H1-4: variants seen among roughly 807,000 people sequenced by gnomAD.
The protein encoded by H1-4 is H1.4 linker histone, cluster member.
H1-4 carries 9 observed loss-of-function variants against 7.2 expected under a neutral mutation model. That is an observed-to-expected ratio of 1.25 (90% CI 0.75 to 2.18). H1-4 has a LOEUF of 2.18. H1-4 is among the 30% of genes most tolerant of loss of function. The probability of loss-of-function intolerance (pLI) is 0.00; values close to 1 mark genes in which losing one functional copy is unlikely to be tolerated. For synonymous variants in H1-4, 318 were observed against 126.6 expected (o/e 2.51, Z -10.15); for missense variants, 646 against 287.9 (o/e 2.24, Z -9.00).
chr6:26,156,823 G>A lies in H1-4; in HGVS notation c.433G>A (p.Ala145Thr), dbSNP rs367964574. 6 of 1,606,586 alleles carry A rather than the reference G, an allele frequency of 3.7e-6. No individual in the cohort carries two copies. Among genetic ancestry groups the A allele is most frequent in the East Asian group, 2.2e-5 (1 of 44,548 alleles). ...GAAGCCCAAGAAGGCGACGGGGGCG[G>A]CCACCCCCAAGAAGAGCGCCAAGAA... ...AKKPKKATGA[A>T]TPKKSAKKTP... The change falls in exon 1 of 1, where the codon GCC (alanine) becomes ACC (threonine). Residue 145 changes from alanine to threonine, a missense_variant. By Grantham distance (58) the Ala-to-Thr change is moderately conservative (BLOSUM62 0). Coordinates refer to ENST00000304218, the MANE Select transcript of H1-4 (RefSeq NM_005321.3).
At position 26,156,523 on chromosome 6, in the gene H1-4, A is replaced by T; in HGVS notation, c.133A>T (p.Thr45Ser). The part of the protein sequence containing the change: ...ASGPPVSELI[T>S]KAVAASKERS... ...TGGGCCCCCGGTGTCCGAGCTCATT[A>T]CTAAAGCTGTTGCCGCCTCCAAGGA... The change falls in exon 1 of 1, where the codon ACT (threonine) becomes TCT (serine). Residue 45 changes from threonine to serine, a missense_variant. Physicochemically the swap from Thr to Ser is moderately conservative, Grantham distance 58. Transcript: ENST00000304218. 6.2e-7 allele frequency: 1 copy of T among 1,614,050 alleles called. No individual in the cohort carries two copies.
rs1346279726 is a variant in H1-4 at position 26,157,060 on chromosome 6, T to G, written c.*10T>G. 6.3e-7 allele frequency: 1 copy of G among 1,578,374 alleles called. No homozygotes were observed. ...AGCCAAGAAAAAGTAGAAAGTTCCT[T>G]TGGCCAACTGCTTAGAAGCCCAACA... On this transcript the variant is annotated 3_prime_UTR_variant, in exon 1 of 1. Transcript: ENST00000304218.
At position 26,156,959 on chromosome 6, in the gene H1-4, A is replaced by C. The variant is rs1289737443; in HGVS notation, c.569A>C (p.Lys190Thr). Residue 190 changes from lysine (K) to threonine (T), a missense_variant, in exon 1 of 1, where the codon AAG becomes ACG. Coordinates refer to ENST00000304218, the MANE Select transcript of H1-4 (RefSeq NM_005321.3). ...AAAAAGGCGCCCAAGAGCCCAGCGA[A>C]GGCCAAAGCAGTTAAACCCAAGGCG... Reference protein sequence around the residue: ...KPKKAPKSPAKAKAVKPKAAK... With the variant: ...KPKKAPKSPATAKAVKPKAAK... 1.9e-6 allele frequency: 3 copies of C among 1,612,356 alleles called. No individual in the cohort carries two copies. Among genetic ancestry groups the C allele is most frequent in the African/African-American group, 1.3e-5 (1 of 74,812 alleles).
rs375482391 is a variant in H1-4, at chr6:26,156,369, C to T, written c.-22C>T. ...GCCTCTGCTTCCGGCTCGAATTGCTCTCGCTCACGCTTGCCTTCAACATGT... is the reference window on the plus strand; with the variant it reads ...GCCTCTGCTTCCGGCTCGAATTGCTTTCGCTCACGCTTGCCTTCAACATGT... On this transcript the variant is annotated 5_prime_UTR_variant, in exon 1 of 1. Coordinates refer to ENST00000304218, the MANE Select transcript of H1-4 (RefSeq NM_005321.3). 38 of 1,528,656 alleles carry T rather than the reference C, an allele frequency of 2.5e-5. No homozygotes were observed. The highest frequency in any genetic ancestry group is 4.0e-4 in the Middle Eastern group (2 of 4,994). 94.7% of individuals were successfully genotyped at this position (1,528,656 alleles called of 1,614,324 possible). A position where few individuals can be genotyped will look rare whatever the true frequency, so the allele number is the denominator to read the frequency against.
At position 26,156,874 on chromosome 6, in the gene H1-4, G is replaced by T. The variant is rs371797691; in HGVS notation, c.484G>T (p.Ala162Ser). The stretch of plus-strand genomic sequence containing the variant: ...GACCCCAAAGAAGGCGAAGAAGCCG[G>T]CTGCAGCTGCTGGAGCCAAAAAAGC... ...KKTPKKAKKP[A>S]AAAGAKKAKS... is the part of the protein sequence containing the mutation. The change falls in exon 1 of 1, where the codon GCT becomes TCT. Residue 162 changes from alanine (A) to serine (S), a missense_variant. Coordinates refer to ENST00000304218, the MANE Select transcript of H1-4 (RefSeq NM_005321.3). 6.2e-7 allele frequency: 1 copy of T among 1,607,914 alleles called. No individual in the cohort carries two copies.
At position 26,156,468 on chromosome 6, in the gene H1-4, G is replaced by A. The variant is rs138910780; in HGVS notation, c.78G>A (p.Lys26=). ...CTCCCGTGAAGAAGAAGGCCCGCAA[G>A]TCTGCAGGTGCGGCCAAGCGCAAAG... The part of the protein sequence containing the change: ...EKTPVKKKAR[K]SAGAAKRKAS... The change falls in exon 1 of 1, where the codon AAG becomes AAA. Residue 26 remains lysine, a synonymous_variant. Coordinates refer to ENST00000304218, the MANE Select transcript of H1-4 (RefSeq NM_005321.3). 6.7e-5 allele frequency: 108 copies of A among 1,613,004 alleles called. No homozygotes were observed. In the African/African-American group the frequency reaches 9.7e-4, roughly 15 times the overall value.
chr6:26,156,717 G>C lies in H1-4; in HGVS notation c.327G>C (p.Lys109Asn), dbSNP rs1387610611. 6.2e-7 allele frequency: 1 copy of C among 1,614,182 alleles called. No individual in the cohort carries two copies. The highest frequency in any genetic ancestry group is 1.1e-5 in the South Asian group (1 of 91,082). The change falls in exon 1 of 1, where the codon AAG becomes AAC. Residue 109 changes from lysine (K) to asparagine (N), a missense_variant. Lys to Asn is a moderately conservative substitution (Grantham distance 94, BLOSUM62 0). Transcript: ENST00000304218. The part of the protein sequence containing the change: ...TGASGSFKLN[K>N]KAASGEAKPK... Reference sequence around the variant, plus strand: ...CGTCGGGTTCCTTCAAACTCAACAAGAAGGCGGCCTCTGGGGAAGCCAAGC... The same window carrying C: ...CGTCGGGTTCCTTCAAACTCAACAACAAGGCGGCCTCTGGGGAAGCCAAGC...
In H1-4 at chr6:26,156,909, G is replaced by A. The variant is rs772722395; in HGVS notation, c.519G>A (p.Pro173=). Residue 173 remains proline, a synonymous_variant, in exon 1 of 1, where the codon CCG becomes CCA. Coordinates refer to ENST00000304218, the MANE Select transcript of H1-4 (RefSeq NM_005321.3). ...CTGGAGCCAAAAAAGCGAAAAGCCC[G>A]AAAAAGGCGAAAGCAGCCAAGCCAA... The part of the protein sequence containing the change: ...AAAGAKKAKS[P]KKAKAAKPKK... The A allele has an allele frequency of 1.2e-6, 2 of 1,607,144 alleles. No individual in the cohort carries two copies. Among genetic ancestry groups the A allele is most frequent in the South Asian group, 1.1e-5 (1 of 90,582 alleles).
In H1-4 at chr6:26,156,373, C is replaced by G. The variant is rs754791514; in HGVS notation, c.-18C>G. The G allele has an allele frequency of 4.6e-6, 7 of 1,535,632 alleles. 1 individual carries two copies. Among genetic ancestry groups the G allele is most frequent in the Middle Eastern group, 2.0e-4 (1 of 5,104 alleles). Reference sequence around the variant, plus strand: ...CTGCTTCCGGCTCGAATTGCTCTCGCTCACGCTTGCCTTCAACATGTCCGA... The same window carrying G: ...CTGCTTCCGGCTCGAATTGCTCTCGGTCACGCTTGCCTTCAACATGTCCGA... On this transcript the variant is annotated 5_prime_UTR_variant, in exon 1 of 1. Transcript: ENST00000304218.
rs555676703 is a variant in H1-4, at chr6:26,156,426, G to A, written c.36G>A (p.Pro12=). The change falls in exon 1 of 1, where the codon CCG becomes CCA. Residue 12 remains proline, a synonymous_variant. Transcript: ENST00000304218. ...CTGCGCCTGCCGCGCCCGCTGCTCC[G>A]GCCCCTGCCGAGAAGACTCCCGTGA... The part of the protein sequence containing the change: ...SETAPAAPAA[P]APAEKTPVKK... 38 of 1,600,140 alleles carry A rather than the reference G, an allele frequency of 2.4e-5. No homozygotes were observed. The African/African-American group carries it at 3.9e-4, about 16-fold the overall frequency.
At position 26,156,742 on chromosome 6, in the gene H1-4, C is replaced by T. The variant is rs202237797; in HGVS notation, c.352C>T (p.Pro118Ser). ...GAAGGCGGCCTCTGGGGAAGCCAAG[C>T]CTAAGGCTAAAAAGGCAGGCGCGGC... ...NKKAASGEAKPKAKKAGAAKA... is the reference protein window; with the variant it reads ...NKKAASGEAKSKAKKAGAAKA... The change falls in exon 1 of 1, where the codon CCT (proline) becomes TCT (serine). Residue 118 changes from proline to serine, a missense_variant. Pro to Ser is a moderately conservative substitution (Grantham distance 74). Transcript: ENST00000304218. The T allele has an allele frequency of 1.9e-5, 31 of 1,613,970 alleles. No homozygotes were observed. The highest frequency in any genetic ancestry group is 2.2e-5 in the East Asian group (1 of 44,866).
rs1426527690 is a variant in H1-4, at chr6:26,156,840, C to T, written c.450C>T (p.Ser150=). 37 of 1,606,118 alleles carry T rather than the reference C, an allele frequency of 2.3e-5. No homozygotes were observed. Among genetic ancestry groups the T allele is most frequent in the East Asian group, 4.5e-5 (2 of 44,610 alleles). The change falls in exon 1 of 1, where the codon AGC becomes AGT. Residue 150 remains serine (S), a synonymous_variant. Transcript: ENST00000304218. ...CGGGGGCGGCCACCCCCAAGAAGAG[C>T]GCCAAGAAGACCCCAAAGAAGGCGA... is the stretch of plus-strand genomic sequence containing the variant. ...KATGAATPKK[S]AKKTPKKAKK... is the part of the protein sequence containing the mutation.
In H1-4 at chr6:26,156,956, C is replaced by G; in HGVS notation, c.566C>G (p.Ala189Gly). The G allele has an allele frequency of 6.2e-7, 1 of 1,612,478 alleles. No homozygotes were observed. Among genetic ancestry groups the G allele is most frequent in the South Asian group, 1.1e-5 (1 of 91,036 alleles). Residue 189 changes from alanine to glycine, a missense_variant, in exon 1 of 1, where the codon GCG (alanine) becomes GGG (glycine). Coordinates refer to ENST00000304218, the MANE Select transcript of H1-4 (RefSeq NM_005321.3). ...AKPKKAPKSP[A>G]KAKAVKPKAA... ...CCAAAAAAGGCGCCCAAGAGCCCAG[C>G]GAAGGCCAAAGCAGTTAAACCCAAG... is the stretch of plus-strand genomic sequence containing the variant.
rs1764209899 is a variant in H1-4, at chr6:26,157,069, T to G, written c.*19T>G. On this transcript the variant is annotated 3_prime_UTR_variant, in exon 1 of 1. Transcript: ENST00000304218. ...AAAGTAGAAAGTTCCTTTGGCCAAC[T>G]GCTTAGAAGCCCAACACAACCCAAA... 9 of 1,574,152 alleles carry G rather than the reference T, an allele frequency of 5.7e-6. No individual in the cohort carries two copies. Among genetic ancestry groups the G allele is most frequent in the Non-Finnish European group, 7.7e-6 (9 of 1,169,310 alleles).
In H1-4 at chr6:26,157,034, C is replaced by T. The variant is rs368915549; in HGVS notation, c.644C>T (p.Ala215Val). The change falls in exon 1 of 1, where the codon GCA becomes GTA. Residue 215 changes from alanine to valine, a missense_variant. Physicochemically the swap from Ala to Val is moderately conservative, Grantham distance 64. Transcript: ENST00000304218. The stretch of plus-strand genomic sequence containing the variant: ...AAGGCAGCCAAGCCAAAGAAGGCGG[C>T]AGCCAAGAAAAAGTAGAAAGTTCCT... ...KPKAAKPKKA[A>V]AKKK The T allele has an allele frequency of 1.6e-5, 25 of 1,581,610 alleles. No individual in the cohort carries two copies. Among genetic ancestry groups the T allele is most frequent in the Middle Eastern group, 1.7e-4 (1 of 5,716 alleles).
At position 26,157,031 on chromosome 6, in the gene H1-4, C is replaced by T. The variant is rs758009090; in HGVS notation, c.641C>T (p.Ala214Val). Residue 214 changes from alanine to valine, a missense_variant, in exon 1 of 1, where the codon GCG (alanine) becomes GTG (valine). Ala to Val is a moderately conservative substitution (Grantham distance 64). Coordinates refer to ENST00000304218, the MANE Select transcript of H1-4 (RefSeq NM_005321.3). ...CCCAAGGCAGCCAAGCCAAAGAAGG[C>T]GGCAGCCAAGAAAAAGTAGAAAGTT... ...AKPKAAKPKKAAAKKK is the reference protein window; with the variant it reads ...AKPKAAKPKKVAAKKK 4.0e-5 allele frequency: 64 copies of T among 1,581,492 alleles called. No individual in the cohort carries two copies. In the Admixed American group the frequency reaches 5.1e-4, roughly 13 times the overall value.
In H1-4 at chr6:26,156,936, AAAG is replaced by A. The variant is rs752969824; in HGVS notation, c.547_549del (p.Lys183del). The A allele has an allele frequency of 6.2e-6, 10 of 1,612,244 alleles. No individual in the cohort carries two copies. Among genetic ancestry groups the A allele is most frequent in the Admixed American group, 1.7e-5 (1 of 59,864 alleles). ...AAAAGGCGAAAGCAGCCAAGCCAAA[AAAG>A]GCGCCCAAGAGCCCAGCGAAGGCCA... On this transcript the variant is annotated inframe_deletion, in exon 1 of 1. Transcript: ENST00000304218.
chr6:26,156,642 C>G lies in H1-4; in HGVS notation c.252C>G (p.Leu84=), dbSNP rs758446293. Residue 84 remains leucine (L), a synonymous_variant, in exon 1 of 1, where the codon CTC becomes CTG. Coordinates refer to ENST00000304218, the MANE Select transcript of H1-4 (RefSeq NM_005321.3). ...ACAACAGCCGCATCAAGCTGGGTCT[C>G]AAGAGCCTGGTGAGCAAGGGCACCC... is the stretch of plus-strand genomic sequence containing the variant. The part of the protein sequence containing the change: ...EKNNSRIKLG[L]KSLVSKGTLV... 3.7e-6 allele frequency: 6 copies of G among 1,614,152 alleles called. No individual in the cohort carries two copies. In the African/African-American group the frequency reaches 6.7e-5, roughly 18 times the overall value.
rs1292793132 is a variant in H1-4, at chr6:26,156,485, A to G, written c.95A>G (p.Lys32Arg). Residue 32 changes from lysine to arginine, a missense_variant, in exon 1 of 1, where the codon AAG (lysine) becomes AGG (arginine). By Grantham distance (26) the Lys-to-Arg change is conservative. Coordinates refer to ENST00000304218, the MANE Select transcript of H1-4 (RefSeq NM_005321.3). ...KKARKSAGAA[K>R]RKASGPPVSE... is the part of the protein sequence containing the mutation. The stretch of plus-strand genomic sequence containing the variant: ...GCCCGCAAGTCTGCAGGTGCGGCCA[A>G]GCGCAAAGCGTCTGGGCCCCCGGTG... The G allele has an allele frequency of 6.2e-7, 1 of 1,613,496 alleles. No homozygotes were observed. Among genetic ancestry groups the G allele is most frequent in the African/African-American group, 1.3e-5 (1 of 74,958 alleles).
Sources: gnomAD v4.1 joint callset for allele counts on GRCh38, gnomAD v4.1.1 for gene constraint, MANE v1.5 for transcripts, NCBI Gene and HGNC (gene_info 2026-07-23, HGNC 2026-07-21) for gene names.